The following ALOXE3 variants were observed in gnomAD, a reference collection of about 807,000 sequenced individuals.
ALOXE3 encodes hydroperoxide isomerase ALOXE3.
In ALOXE3, 78 loss-of-function variants were observed where a neutral mutation model predicts 87.5. That is an observed-to-expected ratio of 0.89 (90% confidence interval 0.74 to 1.08). ALOXE3 has a LOEUF of 1.08. Ranked by LOEUF, ALOXE3 falls within the 50% of genes least tolerant of loss-of-function variation. The pLI is 0.00. For synonymous variants in ALOXE3, 363 were observed against 370.8 expected (o/e 0.98, Z 0.24); for missense variants, 946 against 912.4 (o/e 1.04, Z -0.47).
rs114167629 is a variant in ALOXE3, at chr17:8,115,043, G to A, written c.449C>T (p.Ala150Val). The A allele has an allele frequency of 2.5e-6, 4 of 1,614,082 alleles. No homozygotes were observed. In the South Asian group the frequency reaches 3.3e-5, roughly 13 times the overall value. Residue 150 changes from alanine (A) to valine (V), a missense_variant, in exon 5 of 16, where the codon GCC (alanine) becomes GTC (valine). By Grantham distance (64) the Ala-to-Val change is moderately conservative. Transcript: ENST00000448843. ...RQECYRWKIY[A>V]PGFPCMVDVN... ...GTCTACCATGCAGGGGAAGCCAGGG[G>A]CATAGATCTTCCAGCTTCCGAGGGA...
chr17:8,104,192 G>C lies in ALOXE3; in HGVS notation c.1708C>G (p.Pro570Ala). The part of the protein sequence containing the change: ...SSGFPSRLCT[P>A]GEMVKFLTAI... ...GTGAGGAACTTCACCATCTCTCCTG[G>C]GGTGCACAGCCGGCTTGGGAAACCT... The change falls in exon 14 of 16, where the codon CCA (proline) becomes GCA (alanine). Residue 570 changes from proline (P) to alanine (A), a missense_variant. Transcript: ENST00000448843. 1.2e-6 allele frequency: 2 copies of C among 1,613,966 alleles called. No homozygotes were observed. Among genetic ancestry groups the C allele is most frequent in the South Asian group, 2.2e-5 (2 of 91,064 alleles).
At chr17:8,101,135 C>A (rs903289110) in intron 15 of ALOXE3, among the ~76,000 whole-genome samples, 2 of 151,322 alleles carry the variant, frequency 1.3e-5, no homozygotes, top group African/African-American at 4.9e-5. Context: ...TTAAGTGATT[C>A]TCTTACCTCA....
In ALOXE3 at chr17:8,112,103, G is replaced by T; in HGVS notation, c.774C>A (p.Thr258=). Residue 258 remains threonine (T), a synonymous_variant, in exon 7 of 16, where the codon ACC becomes ACA. Coordinates refer to ENST00000448843, the MANE Select transcript of ALOXE3 (RefSeq NM_021628.3). The part of the protein sequence containing the change: ...DMQNIFWCHK[T]FTTKYVTEHW... ...CCTGGCTCTGCTCACTTGTCGTGAAGGTCTTATGGCACCAGAAGATGTTCT... is the reference window on the plus strand; with the variant it reads ...CCTGGCTCTGCTCACTTGTCGTGAATGTCTTATGGCACCAGAAGATGTTCT... 6.2e-7 allele frequency: 1 copy of T among 1,614,074 alleles called. No individual in the cohort carries two copies. The highest frequency in any genetic ancestry group is 1.1e-5 in the South Asian group (1 of 91,086).
upstream of ALOXE3, chr17:8,118,664 C>T: frequency 1.3e-6 from 2 of 1,537,318 alleles, no homozygotes; most frequent in Non-Finnish European, 1.7e-6. Context: ...CACGCATGGC[C>T]CTCTTTGTCC....
intron 15 of ALOXE3, among the ~76,000 whole-genome samples, chr17:8,099,460 G>A (rs947843465): frequency 1.3e-5 from 2 of 151,878 alleles, no homozygotes; most frequent in Non-Finnish European, 2.9e-5. Flanking sequence ...TCAGGAGTTC[G>A]AGACCAGCCT....
intron 4 of ALOXE3, 97 bp from the exon 5 acceptor site, chr17:8,115,154 C>T (rs1980477343): frequency 1.3e-6 from 2 of 1,498,414 alleles, no homozygotes; most frequent in South Asian, 2.3e-5. Context: ...CTTCAAAAAC[C>T]ACCTACTTTC....
chr17:8,102,819 A>G (rs1598197354), intron 15 of ALOXE3, among the ~76,000 whole-genome samples: 2 of 152,170 alleles, frequency 1.3e-5, no homozygotes, highest in South Asian at 4.1e-4. Context: ...GCTCACATGG[A>G]CAAGTTTCAT....
At chr17:8,106,315 C>T (rs1979306885) in intron 13 of ALOXE3, among the ~76,000 whole-genome samples, 1 of 152,060 alleles carries the variant, frequency 6.6e-6, no homozygotes, top group Non-Finnish European at 1.5e-5. Context: ...GAGGCAAGAC[C>T]AGACATCCGC....
At chr17:8,112,326 G>C in intron 6 of ALOXE3, 130 bp from the exon 7 acceptor site, 2 of 711,814 alleles carry the variant, frequency 2.8e-6, no homozygotes, top group Non-Finnish European at 5.0e-6. Context: ...AATCCACATG[G>C]GAGAAAAAGT....
At position 8,110,180 on chromosome 17, in the gene ALOXE3, T is replaced by G; in HGVS notation, c.1217A>C (p.Asn406Thr). 1 of 1,614,066 alleles carries G rather than the reference T, an allele frequency of 6.2e-7. No individual in the cohort carries two copies. Among genetic ancestry groups the G allele is most frequent in the Non-Finnish European group, 8.5e-7 (1 of 1,179,936 alleles). Residue 406 changes from asparagine to threonine, a missense_variant, in exon 10 of 16, where the codon AAC (asparagine) becomes ACC (threonine). Transcript: ENST00000448843. Reference protein sequence around the residue: ...RNSEFLVHENNTHFLCTHLLC... With the variant: ...RNSEFLVHENTTHFLCTHLLC... ...CAAATGCGTGCACAGAAAGTGCGTG[T>G]TGTTTTCGTGCACCAGGAACTCAGA...
Position 8,109,710 on chromosome 17 carries a change from G to A in ALOXE3, c.1392+206C>T, listed in dbSNP as rs112892818. Reference sequence around the variant, plus strand: ...GGGGCGGTGAGGCTGCGGGGGCGGGGGAGACAGGGTCTGTGAAGGGGGCCG... The same window carrying A: ...GGGGCGGTGAGGCTGCGGGGGCGGGAGAGACAGGGTCTGTGAAGGGGGCCG... On this transcript the variant is annotated intron_variant, in intron 11 of 15. Coordinates refer to ENST00000448843, the MANE Select transcript of ALOXE3 (RefSeq NM_021628.3). Among the ~76,000 whole-genome samples, 24,433 of 146,330 alleles carry A rather than the reference G, an allele frequency of 0.17. 2,557 individuals carry two copies. Among genetic ancestry groups the A allele is most frequent in the East Asian group, 0.44 (2,091 of 4,722 alleles).
chr17:8,096,615 A>C lies in ALOXE3; in HGVS notation c.*12T>G. On this transcript the variant is annotated 3_prime_UTR_variant, in exon 16 of 16. Coordinates refer to ENST00000448843, the MANE Select transcript of ALOXE3 (RefSeq NM_021628.3). ...GGACCTTTCTTTCTTCTTGGGTGGT[A>C]TTTGGGGGTGGTTAGATGGAGACGC... 6.0e-6 allele frequency: 7 copies of C among 1,158,272 alleles called. No homozygotes were observed. The highest frequency in any genetic ancestry group is 9.2e-6 in the Non-Finnish European group (7 of 763,960). 71.7% of individuals were successfully genotyped at this position (1,158,272 alleles called of 1,614,324 possible).
chr17:8,103,936 C>T (rs1272241970), intron 14 of ALOXE3, among the ~76,000 whole-genome samples, 179 bp downstream of exon 14: 1 of 152,090 alleles, frequency 6.6e-6, no homozygotes, highest in Admixed American at 6.5e-5. Flanking sequence ...AACCTTGGAC[C>T]CAGCTCCACC....
In ALOXE3 at chr17:8,103,417, G is replaced by A. The variant is rs1979049725; in HGVS notation, c.1862C>T (p.Thr621Ile). 1 of 1,614,180 alleles carries A rather than the reference G, an allele frequency of 6.2e-7. No individual in the cohort carries two copies. The highest frequency in any genetic ancestry group is 8.5e-7 in the Non-Finnish European group (1 of 1,180,034). Residue 621 changes from threonine (T) to isoleucine (I), a missense_variant, in exon 15 of 16, where the codon ACC (threonine) becomes ATC (isoleucine). By Grantham distance (89) the Thr-to-Ile change is moderately conservative. Transcript: ENST00000448843. ...QPPPQTKGTT[T>I]LKTYLDTLPE... ...GAGGGTGTCTAGGTAAGTCTTCAGG[G>A]TGGTGGTCCCCTTGGTCTGGGGTGG... is the stretch of plus-strand genomic sequence containing the variant.
Position 8,096,607 on chromosome 17 carries a change from TGGGTGGTATTTGG to T in ALOXE3, c.*7_*19del. 9.3e-7 allele frequency: 1 copy of T among 1,080,000 alleles called. No homozygotes were observed. Among genetic ancestry groups the T allele is most frequent in the Non-Finnish European group, 1.4e-6 (1 of 692,338 alleles). 66.9% of individuals were successfully genotyped at this position (1,080,000 alleles called of 1,614,324 possible). ...TCATGCTTGGACCTTTCTTTCTTCT[TGGGTGGTATTTGG>T]GGGTGGTTAGATGGAGACGCTGTTC... is the stretch of plus-strand genomic sequence containing the variant. On this transcript the variant is annotated 3_prime_UTR_variant, in exon 16 of 16. Transcript: ENST00000448843.
At chr17:8,116,249 T>C (rs1311429049) in intron 3 of ALOXE3, among the ~76,000 whole-genome samples, 1 of 152,190 alleles carries the variant, frequency 6.6e-6, no homozygotes, top group African/African-American at 2.4e-5. Flanking sequence ...CAGATAGCTC[T>C]GGAAACTGAA....
chr17:8,096,449 A>G lies in ALOXE3; in HGVS notation c.*178T>C, dbSNP rs899234229. On this transcript the variant is annotated 3_prime_UTR_variant, in exon 16 of 16. Coordinates refer to ENST00000448843, the MANE Select transcript of ALOXE3 (RefSeq NM_021628.3). ...GGACGCTGCTGTGCTGGTCTCTCAC[A>G]GCTCAGGGCCCAGTTTGTATGATGT... is the stretch of plus-strand genomic sequence containing the variant. 1 of 634,814 alleles carries G rather than the reference A, an allele frequency of 1.6e-6. No homozygotes were observed. The highest frequency in any genetic ancestry group is 1.8e-5 in the African/African-American group (1 of 55,252). The allele number at this position is 634,814 out of a possible 1,614,324, so 39.3% of individuals were successfully genotyped here. A position where few individuals can be genotyped will look rare whatever the true frequency, so the allele number is the denominator to read the frequency against.
intron 15 of ALOXE3, among the ~76,000 whole-genome samples, chr17:8,098,608 C>A (rs1484194053): frequency 6.6e-6 from 1 of 152,138 alleles, no homozygotes; most frequent in Non-Finnish European, 1.5e-5. Context: ...TTAGTAATGG[C>A]TGCTCACATT....
At chr17:8,101,976 C>T (rs989880219) in intron 15 of ALOXE3, among the ~76,000 whole-genome samples, 5 of 152,096 alleles carry the variant, frequency 3.3e-5, no homozygotes, top group Non-Finnish European at 7.3e-5. Context: ...GGGAGTCAAG[C>T]GTGAGAAATA....
Sources: allele counts gnomAD v4.1 joint callset (sites outside exome capture counted in the v4.1 genomes callset), GRCh38; gene constraint gnomAD v4.1.1; transcripts MANE v1.5; gene names NCBI Gene and HGNC (gene_info 2026-07-23, HGNC 2026-07-21).